Variants in RNLS observed in about 807,000 individuals in gnomAD.
RNLS encodes the protein renalase, FAD dependent amine oxidase, also known as renalase.
Under a neutral mutation model 39.8 loss-of-function variants are expected in RNLS, and 39 were observed. The observed-to-expected ratio is 0.98, with a 90% CI of 0.76 to 1.28. The LOEUF (loss-of-function observed/expected upper bound fraction) is 1.28. Among genes scored for constraint, RNLS ranks in the 50% most tolerant of loss-of-function variants. The probability of loss-of-function intolerance (pLI) is 0.00; values close to 1 mark genes in which losing one functional copy is unlikely to be tolerated. For synonymous variants in RNLS, 147 were observed against 150.7 expected (o/e 0.98, Z 0.18); for missense variants, 410 against 413.3 (o/e 0.99, Z 0.07).
chr10:88,500,555 C>A (rs1028978446), intron 4 of RNLS, among the ~76,000 whole-genome samples: 5 of 152,140 alleles, frequency 3.3e-5, no homozygotes, highest in African/African-American at 1.2e-4. Context: ...TCACTCAAGA[C>A]AAAAGCAATT....
At chr10:88,189,816 G>T in the RNLS span, among the ~76,000 whole-genome samples, 5 of 152,242 alleles carry the variant, frequency 3.3e-5, no homozygotes, top group African/African-American at 4.8e-5. Context: ...ACTGGGGGAT[G>T]AAAGTTTATG....
At chr10:88,273,050 C>T (rs1842692951), downstream of RNLS, among the ~76,000 whole-genome samples, 1 of 152,172 alleles carries the variant, frequency 6.6e-6, no homozygotes, top group South Asian at 2.1e-4. Context: ...GTGACCTCTC[C>T]CCACTGTGGA....
intron 5 of RNLS, among the ~76,000 whole-genome samples, chr10:88,352,770 G>A (rs1028391556): frequency 1.3e-5 from 2 of 152,204 alleles, no homozygotes; most frequent in African/African-American, 4.8e-5. Flanking sequence ...GTTTCAGAAG[G>A]AATGGTACCA....
chr10:88,354,899 G>A (rs1447359019), intron 5 of RNLS, among the ~76,000 whole-genome samples: 1 of 152,128 alleles, frequency 6.6e-6, no homozygotes, highest in Non-Finnish European at 1.5e-5. Context: ...ATTTCTTGGA[G>A]GCTTTGTTTG....
At chr10:88,474,179 T>A (rs928289888) in intron 4 of RNLS, among the ~76,000 whole-genome samples, 1 of 152,186 alleles carries the variant, frequency 6.6e-6, no homozygotes, top group Non-Finnish European at 1.5e-5. Context: ...ATTTTAATGT[T>A]CTGTTAGATG....
chr10:88,450,282 G>C (rs1320912733), intron 4 of RNLS, among the ~76,000 whole-genome samples: 1 of 152,222 alleles, frequency 6.6e-6, no homozygotes, highest in Non-Finnish European at 1.5e-5. Flanking sequence ...TTTAGAACTA[G>C]ATGTCATAAC....
At chr10:88,350,346 A>AG (rs1282517987) in intron 5 of RNLS, among the ~76,000 whole-genome samples, 1 of 151,690 alleles carries the variant, frequency 6.6e-6, no homozygotes, top group East Asian at 1.9e-4. Flanking sequence ...CTCATAATTT[A>AG]CATTCGGTAT....
chr10:88,499,278 T>G, intron 4 of RNLS, among the ~76,000 whole-genome samples: 1 of 152,132 alleles, frequency 6.6e-6, no homozygotes, highest in Non-Finnish European at 1.5e-5. Context: ...CTAGTGATTG[T>G]CTTGATCTCT....
the RNLS span, among the ~76,000 whole-genome samples, chr10:88,215,075 A>C: frequency 6.6e-6 from 1 of 152,088 alleles, no homozygotes; most frequent in Admixed American, 6.6e-5. Context: ...TGCAGGCCTA[A>C]AATTTTGGTT....
At chr10:88,561,978 C>T (rs969704020) in intron 4 of RNLS, among the ~76,000 whole-genome samples, 1 of 152,060 alleles carries the variant, frequency 6.6e-6, no homozygotes, top group Non-Finnish European at 1.5e-5. Flanking sequence ...AATGCAAGAG[C>T]AATCAACCTG....
At chr10:88,351,965 A>G (rs1848751520) in intron 5 of RNLS, among the ~76,000 whole-genome samples, 1 of 152,216 alleles carries the variant, frequency 6.6e-6, no homozygotes, top group South Asian at 2.1e-4. Flanking sequence ...CTTTGAAGCA[A>G]TTGTGAATGG....
intron 4 of RNLS, among the ~76,000 whole-genome samples, chr10:88,551,238 T>C (rs1226327847): frequency 6.6e-6 from 1 of 152,222 alleles, no homozygotes; most frequent in African/African-American, 2.4e-5. Context: ...TTGCCTCATA[T>C]GTCTAAAGTT....
the RNLS span, among the ~76,000 whole-genome samples, chr10:88,216,800 G>A: frequency 1.3e-3 from 201 of 152,302 alleles, 1 homozygote; most frequent in African/African-American, 4.7e-3. Context: ...AAAAACCCGG[G>A]TGTTTAGCAT....
chr10:88,186,809 CA>C, the RNLS span, among the ~76,000 whole-genome samples: 2 of 152,002 alleles, frequency 1.3e-5, no homozygotes, highest in African/African-American at 4.8e-5. Flanking sequence ...TTCCCACACC[CA>C]CTTTTTGGGG....
the RNLS span, among the ~76,000 whole-genome samples, chr10:88,201,382 G>A: frequency 6.6e-6 from 1 of 152,148 alleles, no homozygotes; most frequent in African/African-American, 2.4e-5. Flanking sequence ...TGCCAACCCT[G>A]GGCCTAGGCT....
intron 4 of RNLS, among the ~76,000 whole-genome samples, chr10:88,443,371 T>G (rs1841836923): frequency 6.6e-6 from 1 of 152,200 alleles, no homozygotes; most frequent in African/African-American, 2.4e-5. Flanking sequence ...AGCTCCAGTC[T>G]ACAGCTCCCA....
chr10:88,310,938 C>T (rs953146587), intron 6 of RNLS, among the ~76,000 whole-genome samples: 9 of 150,788 alleles, frequency 6.0e-5, no homozygotes, highest in African/African-American at 2.2e-4. Context: ...TACAAGCTTA[C>T]TATGCTAGTC....
At chr10:88,250,966 T>C in the RNLS span, among the ~76,000 whole-genome samples, 3 of 152,198 alleles carry the variant, frequency 2.0e-5, no homozygotes, top group Non-Finnish European at 4.4e-5. Context: ...GTTAAATGTG[T>C]TTCATGCTAC....
the RNLS span, among the ~76,000 whole-genome samples, chr10:88,216,740 G>C: frequency 2.0e-5 from 3 of 152,220 alleles, no homozygotes; most frequent in South Asian, 6.2e-4. Flanking sequence ...AGAAAGGCAG[G>C]AAGAGGAATC....
Sources: gnomAD v4.1 joint callset for allele counts (sites outside exome capture counted in the v4.1 genomes callset) on GRCh38, gnomAD v4.1.1 for gene constraint, MANE v1.5 for transcripts, NCBI Gene and HGNC (gene_info 2026-07-23, HGNC 2026-07-21) for gene names.